Variants in OR2L5 observed in about 807,000 individuals in gnomAD.
OR2L5 encodes the protein olfactory receptor family 2 subfamily L member 5.
For missense variants in OR2L5, 413 were observed against 381.6 expected, an observed-to-expected ratio of 1.08 and a Z score of -0.69; for synonymous variants, 169 against 142.0, an observed-to-expected ratio of 1.19 and a Z score of -1.35.
intron 1 of OR2L5, among the ~76,000 whole-genome samples, chr1:248,015,055 C>T (rs1036343808): frequency 7.2e-5 from 11 of 152,170 alleles, no homozygotes; most frequent in African/African-American, 2.4e-4. Flanking sequence ...AGCTGATGCA[C>T]TATCGTGGAC....
rs1662419491 is a variant in OR2L5 at position 248,024,234 on chromosome 1, A to G, written c.*1348A>G. On this transcript the variant is annotated 3_prime_UTR_variant, in exon 2 of 2. Coordinates refer to ENST00000355281, the MANE Select transcript of OR2L5 (RefSeq NM_001258284.2). ...CCCTTGCCCAAGAATTTGTAATGATAGCCATTAAAATCCCAATGTAGAAAA... is the reference window on the plus strand; with the variant it reads ...CCCTTGCCCAAGAATTTGTAATGATGGCCATTAAAATCCCAATGTAGAAAA... The G allele has an allele frequency of 6.6e-6, 1 of 152,164 alleles. No homozygotes were observed. 9.4% of individuals were successfully genotyped at this position (152,164 alleles called of 1,614,324 possible).
At position 248,022,912 on chromosome 1, in the gene OR2L5, G is replaced by A. The variant is rs747685083; in HGVS notation, c.*26G>A. 8.3e-5 allele frequency: 130 copies of A among 1,572,916 alleles called. No individual in the cohort carries two copies. Among genetic ancestry groups the A allele is most frequent in the Non-Finnish European group, 1.1e-4 (122 of 1,160,338 alleles). ...ACATACGTTCTGTGTTAGAGTCAAA[G>A]CGCTAGGTTCATATCAACTCAGCAG... On this transcript the variant is annotated 3_prime_UTR_variant, in exon 2 of 2. Transcript: ENST00000355281.
At position 248,022,934 on chromosome 1, in the gene OR2L5, G is replaced by A. The variant is rs762283706; in HGVS notation, c.*48G>A. The stretch of plus-strand genomic sequence containing the variant: ...AAAGCGCTAGGTTCATATCAACTCA[G>A]CAGTGTACAGCAGTGAAGAAAAACA... On this transcript the variant is annotated 3_prime_UTR_variant, in exon 2 of 2. Coordinates refer to ENST00000355281, the MANE Select transcript of OR2L5 (RefSeq NM_001258284.2). The A allele has an allele frequency of 6.8e-7, 1 of 1,476,202 alleles. No homozygotes were observed. The highest frequency in any genetic ancestry group is 2.3e-5 in the East Asian group (1 of 43,950). The allele number at this position is 1,476,202 out of a possible 1,614,324, so 91.4% of individuals were successfully genotyped here.
intron 1 of OR2L5, among the ~76,000 whole-genome samples, chr1:248,017,141 A>G (rs1314610685): frequency 6.6e-6 from 1 of 152,172 alleles, no homozygotes; most frequent in African/African-American, 2.4e-5. Context: ...GCTGATGCCC[A>G]GGTATATACA....
rs539758024 is a variant in OR2L5 at position 248,022,421 on chromosome 1, C to T, written c.474C>T (p.His158=). 5 of 1,614,082 alleles carry T rather than the reference C, an allele frequency of 3.1e-6. No homozygotes were observed. Among genetic ancestry groups the T allele is most frequent in the Non-Finnish European group, 4.2e-6 (5 of 1,180,034 alleles). The change falls in exon 2 of 2, where the codon CAC becomes CAT. Residue 158 remains histidine, a synonymous_variant. Transcript: ENST00000355281. ...WMIGSINSCA[H]TVYAFRIPYC... is the part of the protein sequence containing the mutation. ...TAGGCTCCATCAACTCTTGTGCTCA[C>T]ACAGTATATGCATTCCGTATCCCAT...
chr1:248,017,571 C>A (rs1482974139), intron 1 of OR2L5, among the ~76,000 whole-genome samples: 2 of 152,170 alleles, frequency 1.3e-5, no homozygotes, highest in African/African-American at 4.8e-5. Context: ...AGGCTTCTGC[C>A]TTATTGGGAA....
Position 248,022,313 on chromosome 1 carries a change from T to C in OR2L5, c.366T>C (p.Tyr122=), listed in dbSNP as rs534375012. 154 of 1,614,156 alleles carry C rather than the reference T, an allele frequency of 9.5e-5. 1 individual carries two copies. In the South Asian group the frequency reaches 1.5e-3, roughly 16 times the overall value. ...TGACATCAATGGCCTATGATCGTTA[T>C]GTGGCCATTTGCTTTCCTCTCCACT... is the stretch of plus-strand genomic sequence containing the variant. ...LLLTSMAYDR[Y]VAICFPLHYP... is the part of the protein sequence containing the mutation. Residue 122 remains tyrosine (Y), a synonymous_variant, in exon 2 of 2, where the codon TAT becomes TAC. Transcript: ENST00000355281.
Position 248,022,176 on chromosome 1 carries a change from G to C in OR2L5, c.229G>C (p.Val77Leu). Residue 77 changes from valine to leucine, a missense_variant, in exon 2 of 2, where the codon GTT (valine) becomes CTT (leucine). Coordinates refer to ENST00000355281, the MANE Select transcript of OR2L5 (RefSeq NM_001258284.2). ...LIDLNYISTI[V>L]PKMASDFLYG... ...TGACCTAAATTACATCTCTACGATTGTTCCTAAGATGGCTTCTGATTTTCT... is the reference window on the plus strand; with the variant it reads ...TGACCTAAATTACATCTCTACGATTCTTCCTAAGATGGCTTCTGATTTTCT... 6.2e-7 allele frequency: 1 copy of C among 1,613,986 alleles called. No homozygotes were observed. Among genetic ancestry groups the C allele is most frequent in the Admixed American group, 1.7e-5 (1 of 60,010 alleles).
In OR2L5 at chr1:248,022,342, C is replaced by A. The variant is rs768517449; in HGVS notation, c.395C>A (p.Pro132His). 6.2e-7 allele frequency: 1 copy of A among 1,614,104 alleles called. No individual in the cohort carries two copies. The highest frequency in any genetic ancestry group is 1.1e-5 in the South Asian group (1 of 91,072). Residue 132 changes from proline to histidine, a missense_variant, in exon 2 of 2, where the codon CCC becomes CAC. Pro to His is a moderately conservative substitution (Grantham distance 77, BLOSUM62 -2). Coordinates refer to ENST00000355281, the MANE Select transcript of OR2L5 (RefSeq NM_001258284.2). ...YVAICFPLHY[P>H]IRMSKRMYVL... ...GCCATTTGCTTTCCTCTCCACTATC[C>A]CATCCGTATGAGCAAAAGAATGTAT...
intron 1 of OR2L5, among the ~76,000 whole-genome samples, chr1:248,018,098 T>G (rs1266924923): frequency 2.0e-5 from 3 of 148,140 alleles, no homozygotes; most frequent in Admixed American, 6.7e-5. Flanking sequence ...GAGCTTGCAG[T>G]GAGCCGAGAT....
rs1662126411 is a variant in OR2L5, at chr1:248,013,668, A to G, written c.-92A>G. On this transcript the variant is annotated 5_prime_UTR_variant, in exon 1 of 2. Transcript: ENST00000355281. ...CTTGCTTAGAAAAATGACTTTGTTCATATGATGACTATACGACTGCTGGCA... is the reference window on the plus strand; with the variant it reads ...CTTGCTTAGAAAAATGACTTTGTTCGTATGATGACTATACGACTGCTGGCA... The G allele has an allele frequency of 1.3e-5, 2 of 152,192 alleles. No individual in the cohort carries two copies. The highest frequency in any genetic ancestry group is 2.9e-5 in the Non-Finnish European group (2 of 68,022). 9.4% of individuals were successfully genotyped at this position (152,192 alleles called of 1,614,324 possible).
intron 1 of OR2L5, among the ~76,000 whole-genome samples, chr1:248,018,047 T>C (rs763164243): frequency 1.5e-4 from 23 of 151,454 alleles, no homozygotes; most frequent in Middle Eastern, 3.4e-3. Flanking sequence ...CCCAGCTACT[T>C]GGGAGGCTGA....
Position 248,022,448 on chromosome 1 carries a change from T to G in OR2L5, c.501T>G (p.Tyr167Ter), listed in dbSNP as rs772492821. 2 of 1,614,136 alleles carry G rather than the reference T, an allele frequency of 1.2e-6. No individual in the cohort carries two copies. The highest frequency in any genetic ancestry group is 1.3e-5 in the African/African-American group (1 of 74,946). ...AHTVYAFRIP[Y>*]CKSRAINHFF... ...CAGTATATGCATTCCGTATCCCATA[T>G]TGCAAGTCCAGAGCCATCAATCATT... is the stretch of plus-strand genomic sequence containing the variant. The change falls in exon 2 of 2, where the codon TAT (tyrosine) becomes TAG (stop). Residue 167 changes from tyrosine (Y) to a stop codon, truncating the protein, a stop_gained. Transcript: ENST00000355281. LOFTEE classifies it low-confidence loss of function (END_TRUNC).
At chr1:248,017,141 A>C (rs1314610685) in intron 1 of OR2L5, among the ~76,000 whole-genome samples, 1 of 152,172 alleles carries the variant, frequency 6.6e-6, no homozygotes, top group Non-Finnish European at 1.5e-5. Context: ...GCTGATGCCC[A>C]GGTATATACA....
At position 248,022,377 on chromosome 1, in the gene OR2L5, A is replaced by G. The variant is rs1254548025; in HGVS notation, c.430A>G (p.Ile144Val). 1.2e-6 allele frequency: 2 copies of G among 1,614,034 alleles called. No individual in the cohort carries two copies. Among genetic ancestry groups the G allele is most frequent in the Non-Finnish European group, 1.7e-6 (2 of 1,180,032 alleles). Residue 144 changes from isoleucine (I) to valine (V), a missense_variant, in exon 2 of 2, where the codon ATA becomes GTA. Transcript: ENST00000355281. ...GAGCAAAAGAATGTATGTGCTGATGATAACAGGATCTTGGATGATAGGCTC... is the reference window on the plus strand; with the variant it reads ...GAGCAAAAGAATGTATGTGCTGATGGTAACAGGATCTTGGATGATAGGCTC... The part of the protein sequence containing the change: ...RMSKRMYVLM[I>V]TGSWMIGSIN...
chr1:248,018,699 G>T (rs1027086559), intron 1 of OR2L5, among the ~76,000 whole-genome samples: 2 of 152,122 alleles, frequency 1.3e-5, no homozygotes, highest in African/African-American at 4.8e-5. Flanking sequence ...CAGTTCTGTG[G>T]CATTAAGGAC....
Position 248,019,717 on chromosome 1 carries a change from G to A in OR2L5, c.-21-2210G>A, listed in dbSNP as rs186133070. Among the ~76,000 whole-genome samples the A allele has an allele frequency of 2.2e-3, 330 of 150,834 alleles. 1 individual carries two copies. The highest frequency in any genetic ancestry group is 3.4e-3 in the Middle Eastern group (1 of 294). ...ATTTCCTGACTCTATTTTCCTCCTC[G>A]TCCTCCTCCTCCTTCCTTCCTTCTC... On this transcript the variant is annotated intron_variant, in intron 1 of 1. Transcript: ENST00000355281.
rs780393425 is a variant in OR2L5 at position 248,022,901 on chromosome 1, T to C, written c.*15T>C. On this transcript the variant is annotated 3_prime_UTR_variant, in exon 2 of 2. Transcript: ENST00000355281. ...TGAAAATGTAGACATACGTTCTGTG[T>C]TAGAGTCAAAGCGCTAGGTTCATAT... 1.3e-6 allele frequency: 2 copies of C among 1,587,206 alleles called. No homozygotes were observed. The highest frequency in any genetic ancestry group is 2.7e-5 in the African/African-American group (2 of 73,896).
Position 248,022,367 on chromosome 1 carries a change from T to A in OR2L5, c.420T>A (p.Tyr140Ter), listed in dbSNP as rs1227517980. ...CCATCCGTATGAGCAAAAGAATGTA[T>A]GTGCTGATGATAACAGGATCTTGGA... Reference protein sequence around the residue: ...HYPIRMSKRMYVLMITGSWMI... With the variant: ...HYPIRMSKRM The change falls in exon 2 of 2, where the codon TAT (tyrosine) becomes TAA (stop). Residue 140 changes from tyrosine to a stop codon, truncating the protein, a stop_gained. Coordinates refer to ENST00000355281, the MANE Select transcript of OR2L5 (RefSeq NM_001258284.2). LOFTEE classifies it low-confidence loss of function (END_TRUNC). 1.9e-6 allele frequency: 3 copies of A among 1,614,096 alleles called. No individual in the cohort carries two copies. The highest frequency in any genetic ancestry group is 2.5e-6 in the Non-Finnish European group (3 of 1,180,056).
Sources: gnomAD v4.1 joint callset for allele counts (sites outside exome capture counted in the v4.1 genomes callset) on GRCh38, gnomAD v4.1.1 for gene constraint, MANE v1.5 for transcripts, NCBI Gene and HGNC (gene_info 2026-07-23, HGNC 2026-07-21) for gene names.